Variants in BTG4 observed in about 807,000 individuals in gnomAD.
BTG4 encodes the protein protein BTG4.
A neutral mutation model predicts 19.3 loss-of-function variants in BTG4; 10 were observed. The ratio of observed to expected loss-of-function variants is 0.52; its 90% CI spans 0.32 to 0.88. BTG4 has a LOEUF of 0.88. Among genes scored for constraint, BTG4 ranks in the 40% least tolerant of loss-of-function variants. The pLI, the probability that BTG4 is intolerant of heterozygous loss-of-function variation, is 0.04. For synonymous variants in BTG4, 91 were observed against 95.7 expected, an observed-to-expected ratio of 0.95 and a Z score of 0.29; for missense variants, 238 against 281.9, an observed-to-expected ratio of 0.84 and a Z score of 1.11.
upstream of BTG4, chr11:111,513,116 T>C (rs1017535550): frequency 9.7e-6 from 4 of 412,062 alleles, no homozygotes; most frequent in Admixed American, 2.7e-5. Flanking sequence ...TCGGCGTGGG[T>C]CCTGCGCAGC....
At chr11:111,477,302 T>C (rs1310234754) in intron 5 of BTG4, among the ~76,000 whole-genome samples, 1 of 152,142 alleles carries the variant, frequency 6.6e-6, no homozygotes, top group Non-Finnish European at 1.5e-5. Flanking sequence ...AGTTCTTTTT[T>C]AAAATCGACA....
chr11:111,402,277 G>A, the BTG4 span, among the ~76,000 whole-genome samples: 2 of 152,156 alleles, frequency 1.3e-5, no homozygotes, highest in Admixed American at 6.5e-5. Context: ...GGAACTGTGA[G>A]TCAATTAAAC....
At chr11:111,497,183 T>G in intron 4 of BTG4, 28 bp downstream of exon 4, 1 of 1,584,506 alleles carries the variant, frequency 6.3e-7, no homozygotes, top group East Asian at 2.3e-5. Context: ...AGAAAAAAAG[T>G]ATAGAAAAGA....
At chr11:111,421,111 G>A in the BTG4 span, among the ~76,000 whole-genome samples, 3 of 152,226 alleles carry the variant, frequency 2.0e-5, no homozygotes, top group African/African-American at 7.2e-5. Context: ...AGGAACCAAG[G>A]TCCCAAGTGG....
the BTG4 span, chr11:111,414,235 C>T: frequency 6.6e-6 from 1 of 152,190 alleles, no homozygotes; most frequent in South Asian, 2.1e-4. Flanking sequence ...ACAAGGTGGA[C>T]ACAGAGTGCA....
intron 5 of BTG4, chr11:111,475,514 C>T (rs1468948799): frequency 6.6e-6 from 1 of 151,744 alleles, no homozygotes; most frequent in Non-Finnish European, 1.5e-5. Flanking sequence ...AAAATATAGG[C>T]CATGTCACAC....
At chr11:111,396,254 T>C in the BTG4 span, among the ~76,000 whole-genome samples, 1 of 152,370 alleles carries the variant, frequency 6.6e-6, no homozygotes, top group South Asian at 2.1e-4. Context: ...ATGTAACTTG[T>C]AAACTGCCTT....
chr11:111,412,611 C>G, the BTG4 span, among the ~76,000 whole-genome samples: 1 of 152,184 alleles, frequency 6.6e-6, no homozygotes, highest in Admixed American at 6.5e-5. Flanking sequence ...GTTCTAAGGA[C>G]TTTACAGATA....
intron 5 of BTG4, chr11:111,473,453 A>C (rs1208596834): frequency 6.6e-6 from 1 of 152,624 alleles, no homozygotes; most frequent in Non-Finnish European, 1.5e-5. Context: ...AATAGCATTA[A>C]GATAACAATT....
At chr11:111,463,535 G>C (rs1863537843), downstream of BTG4, 1 of 152,564 alleles carries the variant, frequency 6.6e-6, no homozygotes, top group South Asian at 2.1e-4. Context: ...AGCCAATCCT[G>C]GCCATTTCAA....
downstream of BTG4, among the ~76,000 whole-genome samples, chr11:111,491,883 G>T (rs1222758223): frequency 1.3e-5 from 2 of 152,086 alleles, no homozygotes; most frequent in African/African-American, 4.8e-5. Flanking sequence ...AATATATTTA[G>T]GGGCTTTTCA....
At chr11:111,409,818 A>C in the BTG4 span, among the ~76,000 whole-genome samples, 2 of 151,728 alleles carry the variant, frequency 1.3e-5, no homozygotes, top group Admixed American at 6.6e-5. Context: ...GTGCTATAGT[A>C]GGAAAAAAAG....
chr11:111,405,206 C>T, the BTG4 span, among the ~76,000 whole-genome samples: 2 of 151,960 alleles, frequency 1.3e-5, no homozygotes, highest in Admixed American at 6.6e-5. Flanking sequence ...GAGTTCGAGG[C>T]CAGCCTGGCC....
the BTG4 span, among the ~76,000 whole-genome samples, chr11:111,387,481 G>A: frequency 3.3e-5 from 5 of 152,222 alleles, no homozygotes; most frequent in Non-Finnish European, 5.9e-5. Context: ...GCGCCTGGAC[G>A]AGTGCCAGTG....
downstream of BTG4, chr11:111,464,421 A>C (rs1863601954): frequency 6.6e-6 from 1 of 152,292 alleles, no homozygotes; most frequent in Non-Finnish European, 1.5e-5. Flanking sequence ...AAGGGCATGG[A>C]TACACATTAG....
intron 5 of BTG4, among the ~76,000 whole-genome samples, chr11:111,472,930 T>C (rs1864160496): frequency 6.6e-6 from 1 of 152,160 alleles, no homozygotes; most frequent in Admixed American, 6.5e-5. Context: ...AGACAGATAA[T>C]AGCAAACATT....
chr11:111,442,594 C>T, the BTG4 span, among the ~76,000 whole-genome samples: 5 of 148,528 alleles, frequency 3.4e-5, no homozygotes, highest in African/African-American at 1.3e-4. Flanking sequence ...AGGAAGTACT[C>T]GAAAAACAAC....
the BTG4 span, among the ~76,000 whole-genome samples, chr11:111,389,904 T>C: frequency 6.6e-6 from 1 of 152,314 alleles, no homozygotes; most frequent in African/African-American, 2.4e-5. Flanking sequence ...ATGTGTGCCT[T>C]CCAGCTCACA....
downstream of BTG4, chr11:111,467,496 G>C: frequency 1.9e-6 from 1 of 533,230 alleles, no homozygotes; most frequent in Non-Finnish European, 3.3e-6. Flanking sequence ...CCACGTAGCT[G>C]AGATGCATGA....
Sources: gnomAD v4.1 joint callset for allele counts (sites outside exome capture counted in the v4.1 genomes callset) on GRCh38, gnomAD v4.1.1 for gene constraint, MANE v1.5 for transcripts, NCBI Gene and HGNC (gene_info 2026-07-23, HGNC 2026-07-21) for gene names.